The following RSRC1 variants were observed in gnomAD, a reference collection of about 807,000 sequenced individuals.
RSRC1 encodes the protein arginine and serine rich coiled-coil 1.
A neutral mutation model predicts 49.1 loss-of-function variants in RSRC1; 39 were observed. The observed-to-expected ratio is 0.79, with a 90% confidence interval of 0.61 to 1.04. RSRC1 has a LOEUF of 1.04. RSRC1 is among the 50% of genes least tolerant of loss of function. The pLI, the probability that RSRC1 is intolerant of heterozygous loss-of-function variation, is 0.00. For missense variants in RSRC1, 388 were observed against 402.4 expected (o/e 0.96, Z 0.31); for synonymous variants, 143 against 130.8 (o/e 1.09, Z -0.63).
intron 6 of RSRC1, among the ~76,000 whole-genome samples, chr3:158,457,702 T>A (rs1193063244): frequency 1.3e-5 from 2 of 150,906 alleles, no homozygotes; most frequent in African/African-American, 2.4e-5. Context: ...GTTCACTGTT[T>A]TTTTGTTTTT....
At chr3:158,434,846 A>T (rs1274223227) in intron 6 of RSRC1, among the ~76,000 whole-genome samples, 1 of 152,008 alleles carries the variant, frequency 6.6e-6, no homozygotes, top group Non-Finnish European at 1.5e-5. Context: ...AACAAAAGAC[A>T]TCACATGGGG....
chr3:158,427,109 G>A (rs1735487558), intron 6 of RSRC1, among the ~76,000 whole-genome samples: 1 of 151,622 alleles, frequency 6.6e-6, no homozygotes, highest in African/African-American at 2.4e-5. Context: ...GATACTTCTT[G>A]CCTGTGTAGA....
chr3:158,218,080 T>A (rs1021176300), intron 4 of RSRC1, among the ~76,000 whole-genome samples: 1 of 151,512 alleles, frequency 6.6e-6, no homozygotes, highest in African/African-American at 2.4e-5. Flanking sequence ...GGAAGCACTG[T>A]CTGAGATGGG....
chr3:158,234,372 G>A (rs1366597011), intron 4 of RSRC1, among the ~76,000 whole-genome samples: 3 of 152,136 alleles, frequency 2.0e-5, no homozygotes, highest in African/African-American at 7.2e-5. Context: ...CAATGATTAT[G>A]TAAATTTTGT....
chr3:158,451,140 A>G (rs1056100759), intron 6 of RSRC1, among the ~76,000 whole-genome samples: 3 of 151,866 alleles, frequency 2.0e-5, no homozygotes, highest in Admixed American at 6.6e-5. Flanking sequence ...ACATGTTTCT[A>G]TATATTTCTT....
chr3:158,347,061 A>G (rs1730593970), intron 5 of RSRC1, among the ~76,000 whole-genome samples: 1 of 152,240 alleles, frequency 6.6e-6, no homozygotes, highest in Non-Finnish European at 1.5e-5. Flanking sequence ...CAATAAAGCT[A>G]TCTGAAAATG....
At chr3:158,412,418 A>G (rs760667051) in intron 6 of RSRC1, among the ~76,000 whole-genome samples, 4 of 152,144 alleles carry the variant, frequency 2.6e-5, no homozygotes, top group Non-Finnish European at 5.9e-5. Context: ...AATTTTGCCT[A>G]TTCTTTAAGA....
intron 7 of RSRC1, among the ~76,000 whole-genome samples, chr3:158,473,260 A>C (rs556380617): frequency 6.3e-4 from 96 of 152,258 alleles, no homozygotes; most frequent in African/African-American, 2.3e-3. Flanking sequence ...CTTGGAACCA[A>C]CCCAAATGTC....
intron 6 of RSRC1, among the ~76,000 whole-genome samples, chr3:158,450,796 T>C (rs16828996): frequency 0.072 from 10,933 of 151,920 alleles, 463 homozygotes; most frequent in South Asian, 0.13. Context: ...CACCGTGGCC[T>C]ATTATGCTTT....
At chr3:158,330,677 A>G (rs1198949202) in intron 5 of RSRC1, among the ~76,000 whole-genome samples, 1 of 152,042 alleles carries the variant, frequency 6.6e-6, no homozygotes, top group Non-Finnish European at 1.5e-5. Context: ...TAGCTTTTCC[A>G]TGTTTTAAAT....
intron 7 of RSRC1, among the ~76,000 whole-genome samples, chr3:158,475,744 C>T (rs1253162149): frequency 1.3e-5 from 2 of 152,040 alleles, no homozygotes; most frequent in Non-Finnish European, 2.9e-5. Context: ...CTCTCTCTCT[C>T]TCCCTGGCCT....
intron 1 of RSRC1, among the ~76,000 whole-genome samples, chr3:158,113,589 C>T (rs6770442): frequency 0.71 from 108,028 of 151,842 alleles, 39,155 homozygotes; most frequent in African/African-American, 0.83. Flanking sequence ...GGATGGTCTC[C>T]ATCTCCTGAC....
chr3:158,451,570 C>A (rs577232953), intron 6 of RSRC1, among the ~76,000 whole-genome samples: 2 of 152,054 alleles, frequency 1.3e-5, no homozygotes, highest in South Asian at 4.2e-4. Flanking sequence ...TGCCTTAGTA[C>A]TTAACATGAA....
intron 3 of RSRC1, among the ~76,000 whole-genome samples, chr3:158,156,477 A>G (rs1717886382): frequency 6.6e-6 from 1 of 152,152 alleles, no homozygotes; most frequent in East Asian, 1.9e-4. Context: ...TTTCCTTCGC[A>G]TTAACAAGTT....
intron 1 of RSRC1, among the ~76,000 whole-genome samples, chr3:158,117,187 A>C (rs554642525): frequency 6.6e-6 from 1 of 152,124 alleles, no homozygotes; most frequent in Non-Finnish European, 1.5e-5. Context: ...TTTTATCTTT[A>C]GAAATTTCTA....
intron 9 of RSRC1, among the ~76,000 whole-genome samples, 187 bp from the exon 10 acceptor site, chr3:158,543,996 C>T (rs144366466): frequency 2.0e-3 from 302 of 152,222 alleles, no homozygotes; most frequent in African/African-American, 6.0e-3. Context: ...AGTTCTTTTA[C>T]TCCAAGAATT....
chr3:158,295,530 AG>A (rs1254763061), intron 4 of RSRC1, among the ~76,000 whole-genome samples: 1 of 152,124 alleles, frequency 6.6e-6, no homozygotes, highest in African/African-American at 2.4e-5. Context: ...GCAGCAATTT[AG>A]GGAGAAAAGA....
intron 4 of RSRC1, among the ~76,000 whole-genome samples, chr3:158,288,951 C>G (rs1726752978): frequency 6.8e-6 from 1 of 147,966 alleles, no homozygotes. Context: ...TTTTTAACAT[C>G]TAAGGCATAG....
At chr3:158,238,596 GACAAAA>G (rs2107986464) in intron 4 of RSRC1, among the ~76,000 whole-genome samples, 1 of 152,274 alleles carries the variant, frequency 6.6e-6, no homozygotes, top group Admixed American at 6.5e-5. Flanking sequence ...TGACAAACCT[GACAAAA>G]ACAAGAAATG....
Sources: gnomAD v4.1 joint callset for allele counts (sites outside exome capture counted in the v4.1 genomes callset) on GRCh38, gnomAD v4.1.1 for gene constraint, MANE v1.5 for transcripts, NCBI Gene and HGNC (gene_info 2026-07-23, HGNC 2026-07-21) for gene names.